The following NTPCR variants were observed in gnomAD, a reference collection of about 807,000 sequenced individuals.
NTPCR encodes cancer-related nucleoside-triphosphatase.
NTPCR carries 15 observed loss-of-function variants against 19.5 expected under a neutral mutation model. The ratio of observed to expected loss-of-function variants is 0.77; its 90% CI spans 0.51 to 1.18. The LOEUF (loss-of-function observed/expected upper bound fraction) is 1.18, where lower values mean the gene tolerates loss of function less well. NTPCR is among the 50% of genes most tolerant of loss of function. The pLI is 0.00. For missense variants in NTPCR, 206 were observed against 240.4 expected (o/e 0.86, Z 0.95); for synonymous variants, 90 against 95.8 (o/e 0.94, Z 0.36).
chr1:232,955,271 T>G (rs1367071614), intron 1 of NTPCR, among the ~76,000 whole-genome samples: 2 of 152,216 alleles, frequency 1.3e-5, no homozygotes, highest in Non-Finnish European at 2.9e-5. Flanking sequence ...CTCAGTTGAT[T>G]CTGGGATTGT....
chr1:232,973,674 A>G (rs1013988743), intron 4 of NTPCR, among the ~76,000 whole-genome samples: 16 of 152,268 alleles, frequency 1.1e-4, no homozygotes, highest in Non-Finnish European at 4.4e-5. Context: ...ACAGATACAC[A>G]TGAAACAAAT....
chr1:232,950,833 C>G, intron 1 of NTPCR, 89 bp downstream of exon 1: 1 of 847,300 alleles, frequency 1.2e-6, no homozygotes, highest in Non-Finnish European at 1.8e-6. Context: ...GGGAGGGTCT[C>G]CGGCTCCAGG....
In NTPCR at chr1:232,979,835, A is replaced by C. The variant is rs1240877343; in HGVS notation, c.*1604A>C. ...GAACCTGATCCTGGCCGTAAATCTGAAAGTACCACAGCCCTCAGGAGAACC... is the reference window on the plus strand; with the variant it reads ...GAACCTGATCCTGGCCGTAAATCTGCAAGTACCACAGCCCTCAGGAGAACC... On this transcript the variant is annotated 3_prime_UTR_variant, in exon 5 of 5. Transcript: ENST00000366628. This position sits in a 1 kb window ranked among gnomAD's most constrained non-coding sequence, Gnocchi z 5.3. 6.6e-6 allele frequency: 1 copy of C among 152,244 alleles called. No individual in the cohort carries two copies. Among genetic ancestry groups the C allele is most frequent in the African/African-American group, 2.4e-5 (1 of 41,436 alleles). 9.4% of individuals were successfully genotyped at this position (152,244 alleles called of 1,614,324 possible).
chr1:232,953,378 A>T (rs1668426827), intron 1 of NTPCR, among the ~76,000 whole-genome samples: 1 of 152,210 alleles, frequency 6.6e-6, no homozygotes, highest in Non-Finnish European at 1.5e-5. Context: ...GTAGCAGCTT[A>T]ACTAATGAAG....
intron 4 of NTPCR, chr1:232,976,210 C>T (rs1669118571): frequency 1.8e-6 from 2 of 1,100,200 alleles, no homozygotes; most frequent in Non-Finnish European, 1.2e-6. Context: ...TGCATGTATA[C>T]ATTGTATAAT....
chr1:232,953,067 C>G (rs1259423605), intron 1 of NTPCR, among the ~76,000 whole-genome samples: 1 of 152,198 alleles, frequency 6.6e-6, no homozygotes, highest in South Asian at 2.1e-4. Context: ...CTTGCCCTGA[C>G]TTGTCCCTTA....
At chr1:232,961,894 C>T (rs1307887362) in intron 3 of NTPCR, 3 of 152,072 alleles carry the variant, frequency 2.0e-5, no homozygotes, top group Non-Finnish European at 2.9e-5. Flanking sequence ...ACTATGTGTG[C>T]TTGTATGTAT....
chr1:232,967,482 A>G (rs1668853342), intron 3 of NTPCR: 1 of 152,246 alleles, frequency 6.6e-6, no homozygotes. Flanking sequence ...TCCAATTGGT[A>G]GAAAGTAATG....
intron 1 of NTPCR, 37 bp downstream of exon 1, chr1:232,950,781 G>C (rs1176680229): frequency 1.4e-6 from 2 of 1,480,952 alleles, no homozygotes; most frequent in Admixed American, 2.1e-5. Context: ...AAGAGGTCGA[G>C]GGGGTGGGGG....
chr1:232,966,190 A>G (rs1397631995), intron 3 of NTPCR: 1 of 152,178 alleles, frequency 6.6e-6, no homozygotes, highest in African/African-American at 2.4e-5. Flanking sequence ...TGTTAGCACC[A>G]TTTGCCTTTC....
intron 1 of NTPCR, among the ~76,000 whole-genome samples, chr1:232,952,425 T>C (rs542524922): frequency 1.3e-5 from 2 of 151,816 alleles, no homozygotes; most frequent in Admixed American, 6.6e-5. Flanking sequence ...CCCAGGCTGA[T>C]CTCCAACTCC....
rs946635596 is a variant in NTPCR, at chr1:232,978,688, T to C, written c.*457T>C. On this transcript the variant is annotated 3_prime_UTR_variant, in exon 5 of 5. Coordinates refer to ENST00000366628, the MANE Select transcript of NTPCR (RefSeq NM_032324.3). ...ATGCAACTTAAAGTGATAACAGTTA[T>C]TTGATTTTTTAAAAAATATTATTCC... 6.5e-6 allele frequency: 1 copy of C among 152,782 alleles called. No homozygotes were observed. Among genetic ancestry groups the C allele is most frequent in the African/African-American group, 2.4e-5 (1 of 41,456 alleles). 9.5% of individuals were successfully genotyped at this position (152,782 alleles called of 1,614,324 possible).
intron 3 of NTPCR, chr1:232,967,074 C>T (rs748410580): frequency 6.6e-6 from 1 of 152,238 alleles, no homozygotes; most frequent in Non-Finnish European, 1.5e-5. Context: ...TCCTGACCAT[C>T]TTCAAACCTG....
chr1:232,976,734 CG>C, intron 4 of NTPCR: 1 of 623,748 alleles, frequency 1.6e-6, no homozygotes, highest in East Asian at 3.3e-5. Context: ...AATGGGATCA[CG>C]GGACTGACGC....
chr1:232,962,929 G>A (rs1053465754), intron 3 of NTPCR: 2 of 152,156 alleles, frequency 1.3e-5, no homozygotes, highest in South Asian at 2.1e-4. Flanking sequence ...ACTCGACCTG[G>A]AAGTGTTCCT....
At chr1:232,975,324 T>TA (rs1669096014) in intron 4 of NTPCR, among the ~76,000 whole-genome samples, 1 of 152,158 alleles carries the variant, frequency 6.6e-6, no homozygotes, top group Non-Finnish European at 1.5e-5. Flanking sequence ...GAGGTGGTGA[T>TA]ATCACAAATT....
At chr1:232,963,263 C>T (rs945066697) in intron 3 of NTPCR, 2 of 152,190 alleles carry the variant, frequency 1.3e-5, no homozygotes, top group South Asian at 2.1e-4. Context: ...ATGAGGTTGA[C>T]TCTGCAGTTC....
intron 1 of NTPCR, among the ~76,000 whole-genome samples, chr1:232,952,375 AT>A (rs762607736): frequency 1.3e-3 from 184 of 141,472 alleles, no homozygotes; most frequent in Admixed American, 1.2e-3. Context: ...ACACCCGGGT[AT>A]TTTTTTTTTT....
chr1:232,968,430 A>C (rs778122453), intron 3 of NTPCR: 1 of 152,220 alleles, frequency 6.6e-6, no homozygotes, highest in African/African-American at 2.4e-5. Context: ...GACACCCACT[A>C]TCTTATCTTG....
Sources: gnomAD v4.1 joint callset for allele counts (sites outside exome capture counted in the v4.1 genomes callset) on GRCh38, gnomAD v4.1.1 for gene constraint, Gnocchi (gnomAD v3.1) non-coding constraint, MANE v1.5 for transcripts, NCBI Gene and HGNC (gene_info 2026-07-23, HGNC 2026-07-21) for gene names.